Variants in ACOXL observed in about 807,000 individuals in gnomAD.
ACOXL encodes acyl-CoA oxidase like, also known as acyl-coenzyme A oxidase-like protein.
Under a neutral mutation model 71.9 loss-of-function variants are expected in ACOXL, and 70 were observed. The ratio of observed to expected loss-of-function variants is 0.97; its 90% CI spans 0.80 to 1.19. ACOXL has a LOEUF of 1.19. ACOXL is among the 50% of genes most tolerant of loss of function. ACOXL has a pLI of 0.00. For synonymous variants in ACOXL, 253 were observed against 281.6 expected (o/e 0.90, Z 1.02); for missense variants, 703 against 736.3 (o/e 0.95, Z 0.52).
intron 12 of ACOXL, among the ~76,000 whole-genome samples, chr2:110,952,163 A>T (rs2061353460): frequency 1.3e-5 from 2 of 152,140 alleles, no homozygotes; most frequent in African/African-American, 4.8e-5. Context: ...TCTTTCCTTG[A>T]TATAAGCTAT....
At chr2:111,109,945 T>G (rs954795638) in intron 17 of ACOXL, among the ~76,000 whole-genome samples, 2 of 152,092 alleles carry the variant, frequency 1.3e-5, no homozygotes. Flanking sequence ...TCCCAAAGTG[T>G]GGAATTACAA....
At chr2:111,058,359 C>A (rs913384959) in intron 16 of ACOXL, among the ~76,000 whole-genome samples, 1 of 152,132 alleles carries the variant, frequency 6.6e-6, no homozygotes. Flanking sequence ...ACAGAATTAC[C>A]AGGTGTCTAG....
intron 17 of ACOXL, among the ~76,000 whole-genome samples, chr2:111,112,687 C>T (rs756667054): frequency 2.0e-5 from 3 of 152,190 alleles, no homozygotes; most frequent in Non-Finnish European, 1.5e-5. Flanking sequence ...TCACCAGTCA[C>T]GATTTGCCAG....
intron 2 of ACOXL, among the ~76,000 whole-genome samples, chr2:110,774,646 C>A (rs1387043377): frequency 6.6e-6 from 1 of 152,132 alleles, no homozygotes; most frequent in East Asian, 1.9e-4. Flanking sequence ...TGGAAAACTA[C>A]AAAATTGCTG....
At chr2:110,747,580 C>G (rs1048544092) in intron 1 of ACOXL, among the ~76,000 whole-genome samples, 1 of 152,204 alleles carries the variant, frequency 6.6e-6, no homozygotes, top group Non-Finnish European at 1.5e-5. Flanking sequence ...AATTTCATTT[C>G]TAAGCTGATC....
chr2:110,915,336 T>TATATATATA lies in ACOXL; in HGVS notation c.905+6431_905+6432insATATATATA, dbSNP rs1558721442. ...TTTGAAATTTTTTGTTATATGCATTTTATATATATATATATGTGTGTGTGT... is the reference window on the plus strand; with the variant it reads ...TTTGAAATTTTTTGTTATATGCATTTATATATATATATATATATATATATGTGTGTGTGT... On this transcript the variant is annotated intron_variant, in intron 11 of 17. Coordinates refer to ENST00000439055, the MANE Select transcript of ACOXL (RefSeq NM_001142807.4). Among the ~76,000 whole-genome samples the TATATATATA allele has an allele frequency of 7.7e-3, 1,004 of 130,416 alleles. 14 individuals are homozygous for TATATATATA. The highest frequency in any genetic ancestry group is 0.026 in the African/African-American group (923 of 35,338). 85.6% of individuals were successfully genotyped at this position (130,416 alleles called of 152,430 possible).
chr2:110,944,808 C>T (rs772129199), intron 12 of ACOXL, among the ~76,000 whole-genome samples: 9 of 152,112 alleles, frequency 5.9e-5, no homozygotes, highest in Non-Finnish European at 1.2e-4. Flanking sequence ...CATGAACATA[C>T]GCGTGCATGT....
chr2:110,998,156 T>C (rs1241696552), intron 14 of ACOXL, among the ~76,000 whole-genome samples: 1 of 152,192 alleles, frequency 6.6e-6, no homozygotes, highest in Non-Finnish European at 1.5e-5. Flanking sequence ...ATTTTTAAGG[T>C]AAGATGAAAG....
intron 9 of ACOXL, among the ~76,000 whole-genome samples, chr2:110,821,933 T>G (rs919813560): frequency 1.3e-5 from 2 of 150,728 alleles, no homozygotes; most frequent in African/African-American, 4.9e-5. Flanking sequence ...TCTTCTATCA[T>G]TGTGTGTGTG....
At chr2:111,111,400 A>G (rs1461165002) in intron 17 of ACOXL, among the ~76,000 whole-genome samples, 2 of 152,134 alleles carry the variant, frequency 1.3e-5, no homozygotes, top group African/African-American at 2.4e-5. Flanking sequence ...GTGATGCCAT[A>G]TTTTTTATAT....
At chr2:111,104,413 A>T (rs1574776452) in intron 17 of ACOXL, among the ~76,000 whole-genome samples, 1 of 152,192 alleles carries the variant, frequency 6.6e-6, no homozygotes, top group Non-Finnish European at 1.5e-5. Flanking sequence ...GAAATTACCA[A>T]ACTTTTTTTT....
chr2:110,870,792 T>G (rs777358487), intron 10 of ACOXL, among the ~76,000 whole-genome samples: 5 of 152,314 alleles, frequency 3.3e-5, no homozygotes, highest in Non-Finnish European at 7.4e-5. Flanking sequence ...GTTTCCTGTC[T>G]CAGGGTGCAG....
intron 16 of ACOXL, among the ~76,000 whole-genome samples, chr2:111,064,329 G>A (rs1481423217): frequency 1.3e-5 from 2 of 151,848 alleles, no homozygotes; most frequent in Admixed American, 6.6e-5. Context: ...CCGGCTACTC[G>A]GGAGGCTGAG....
chr2:110,874,213 G>A (rs369967950), intron 10 of ACOXL, among the ~76,000 whole-genome samples: 19 of 152,192 alleles, frequency 1.2e-4, no homozygotes, highest in African/African-American at 3.6e-4. Flanking sequence ...AATGCTTTTG[G>A]GGGGGTGGTG....
chr2:111,002,561 G>C, intron 14 of ACOXL, among the ~76,000 whole-genome samples: 1 of 152,132 alleles, frequency 6.6e-6, no homozygotes, highest in East Asian at 1.9e-4. Flanking sequence ...ATGGCTTTCA[G>C]ACTTTACATG....
chr2:110,997,491 A>G (rs1316116631), intron 14 of ACOXL, among the ~76,000 whole-genome samples: 2 of 152,222 alleles, frequency 1.3e-5, no homozygotes, highest in Non-Finnish European at 2.9e-5. Context: ...AAATGGAGTA[A>G]TAAGTACTCC....
At chr2:110,968,550 G>A (rs2062034659) in intron 12 of ACOXL, 3 of 1,072,770 alleles carry the variant, frequency 2.8e-6, no homozygotes, top group South Asian at 1.3e-5. Context: ...CGGAGGAGAT[G>A]TATAAGAAAG....
intron 10 of ACOXL, among the ~76,000 whole-genome samples, chr2:110,897,015 G>A (rs1159911352): frequency 6.6e-6 from 1 of 151,608 alleles, no homozygotes; most frequent in Non-Finnish European, 1.5e-5. Flanking sequence ...AAAAATTGAA[G>A]TCATACAGAG....
At position 110,737,400 on chromosome 2, in the gene ACOXL, A is replaced by G. The variant is rs113797204; in HGVS notation, c.-23+4626A>G. On this transcript the variant is annotated intron_variant, in intron 1 of 17. Transcript: ENST00000439055. ...ACTACAGCACCATTTTCCTTTTCCT[A>G]TTCTCTGAAAGTCAGTGTATCACCA... Among the ~76,000 whole-genome samples the G allele has an allele frequency of 1.1e-3, 174 of 152,272 alleles. 1 individual carries two copies. Among genetic ancestry groups the G allele is most frequent in the African/African-American group, 4.1e-3 (170 of 41,560 alleles).
Sources: gnomAD v4.1 joint callset for allele counts (sites outside exome capture counted in the v4.1 genomes callset) on GRCh38, gnomAD v4.1.1 for gene constraint, MANE v1.5 for transcripts, NCBI Gene and HGNC (gene_info 2026-07-23, HGNC 2026-07-21) for gene names.